Variants in USP13 observed in about 807,000 individuals in gnomAD.
USP13 encodes ubiquitin specific peptidase 13.
A neutral mutation model predicts 107.8 loss-of-function variants in USP13; 68 were observed. The observed-to-expected ratio is 0.63, with a 90% CI of 0.52 to 0.77. The LOEUF (loss-of-function observed/expected upper bound fraction) is 0.77. Among genes scored for constraint, USP13 ranks in the 30% least tolerant of loss-of-function variants. The pLI, the probability that USP13 is intolerant of heterozygous loss-of-function variation, is 0.00. For synonymous variants in USP13, 377 were observed against 389.5 expected (o/e 0.97, Z 0.38); for missense variants, 945 against 1,093.3 (o/e 0.86, Z 1.91).
chr3:179,685,327 G>C (rs890704127), intron 2 of USP13, among the ~76,000 whole-genome samples: 7 of 151,828 alleles, frequency 4.6e-5, no homozygotes, highest in African/African-American at 1.7e-4. Flanking sequence ...AGTTATAATA[G>C]TTTGTGCACG....
At chr3:179,701,163 G>C in intron 4 of USP13, 34 bp downstream of exon 4, 1 of 1,461,614 alleles carries the variant, frequency 6.8e-7, no homozygotes, top group Non-Finnish European at 9.2e-7. Flanking sequence ...AGCTAGATGC[G>C]CATGGCTCTG....
chr3:179,751,281 G>A (rs1465529153), intron 13 of USP13, among the ~76,000 whole-genome samples: 2 of 152,116 alleles, frequency 1.3e-5, no homozygotes, highest in African/African-American at 2.4e-5. Context: ...AGTTTGAAGA[G>A]GATTCAAGAT....
At position 179,653,327 on chromosome 3, in the gene USP13, G is replaced by T. The variant is rs1262700828; in HGVS notation, c.102G>T (p.Thr34=). ...AGCTGCTAGTGCCCCACATGCCCAC[G>T]ATCCGCGTGCCCAGGTCCGGCGACA... is the stretch of plus-strand genomic sequence containing the variant. The part of the protein sequence containing the change: ...IGELLVPHMP[T]IRVPRSGDRV... The change falls in exon 1 of 21, where the codon ACG becomes ACT. Residue 34 remains threonine (T), a synonymous_variant. Coordinates refer to ENST00000263966, the MANE Select transcript of USP13 (RefSeq NM_003940.3). The surrounding 1 kb of genome is among the most constrained non-coding windows in gnomAD (Gnocchi z 4.0). 1 of 1,578,760 alleles carries T rather than the reference G, an allele frequency of 6.3e-7. No individual in the cohort carries two copies. The highest frequency in any genetic ancestry group is 2.3e-5 in the East Asian group (1 of 43,034).
chr3:179,666,665 G>A (rs1180053251), intron 1 of USP13, among the ~76,000 whole-genome samples: 1 of 152,178 alleles, frequency 6.6e-6, no homozygotes, highest in Non-Finnish European at 1.5e-5. Context: ...GCTTGGCAGG[G>A]TGCCTGGCAC....
At position 179,717,403 on chromosome 3, in the gene USP13, ATCATG is replaced by A. The variant is rs746118992; in HGVS notation, c.806-2532_806-2528del. On this transcript the variant is annotated intron_variant, in intron 6 of 20. Transcript: ENST00000263966. ...AGAAATAACTATAGCATTTGACCAA[ATCATG>A]TCATATTTTTGGAGCAGTTAATGGC... 1.6e-4 allele frequency among the ~76,000 whole-genome samples: 24 copies of A among 152,306 alleles called. 1 individual carries two copies. The highest frequency in any genetic ancestry group is 7.8e-4 in the Admixed American group (12 of 15,300).
intron 10 of USP13, among the ~76,000 whole-genome samples, chr3:179,736,219 T>A (rs1713991822): frequency 6.6e-6 from 1 of 152,252 alleles, no homozygotes; most frequent in Admixed American, 6.5e-5. Flanking sequence ...GACTATTTGC[T>A]TTAAGTTTGC....
At chr3:179,715,530 A>T (rs1713084436) in intron 6 of USP13, among the ~76,000 whole-genome samples, 1 of 151,070 alleles carries the variant, frequency 6.6e-6, no homozygotes, top group African/African-American at 2.4e-5. Flanking sequence ...ACGCCCAGCT[A>T]ATTTTTGTAT....
intron 1 of USP13, among the ~76,000 whole-genome samples, chr3:179,662,751 T>A (rs6784543): frequency 0.29 from 44,149 of 152,088 alleles, 7,154 homozygotes; most frequent in Non-Finnish European, 0.37. Context: ...TGAGAGATGA[T>A]GCTGATCCTG....
At chr3:179,695,587 A>C (rs1376896363) in intron 3 of USP13, among the ~76,000 whole-genome samples, 1 of 151,948 alleles carries the variant, frequency 6.6e-6, no homozygotes, top group East Asian at 1.9e-4. Context: ...AAATCATTTA[A>C]ATTCTATACT....
chr3:179,728,631 T>C (rs1056596806), intron 8 of USP13, among the ~76,000 whole-genome samples: 3 of 151,984 alleles, frequency 2.0e-5, no homozygotes, highest in Non-Finnish European at 2.9e-5. Context: ...CAAGGCAGGC[T>C]GCTGAGAGGT....
In USP13 at chr3:179,746,452, G is replaced by A. The variant is rs181696330; in HGVS notation, c.1709+1235G>A. Among the ~76,000 whole-genome samples, 45 of 148,166 alleles carry A rather than the reference G, an allele frequency of 3.0e-4. No homozygotes were observed. The East Asian group carries it at 8.9e-3, about 29-fold the overall frequency. On this transcript the variant is annotated intron_variant, in intron 13 of 20. Transcript: ENST00000263966. ...TATATTTTTTTTTGTTTTTTTTTGA[G>A]ACGGAGTTTTGCTTTTGTTGCCCAG...
At chr3:179,761,332 T>G in intron 17 of USP13, 77 bp downstream of exon 17, 1 of 1,552,376 alleles carries the variant, frequency 6.4e-7, no homozygotes, top group Non-Finnish European at 8.8e-7. Context: ...CCTTCCAAGG[T>G]CCCTGTGGAT....
intron 19 of USP13, among the ~76,000 whole-genome samples, chr3:179,778,456 G>C (rs1237741085): frequency 6.6e-6 from 1 of 152,098 alleles, no homozygotes; most frequent in Admixed American, 6.6e-5. Flanking sequence ...CAATAAATAC[G>C]TGCACAAGTA....
At chr3:179,774,744 C>G (rs1715463739) in intron 19 of USP13, among the ~76,000 whole-genome samples, 1 of 152,212 alleles carries the variant, frequency 6.6e-6, no homozygotes, top group Admixed American at 6.5e-5. Context: ...CTCGGGCAGC[C>G]TGCTTTTATT....
In USP13 at chr3:179,721,554, G is replaced by T; in HGVS notation, c.1053G>T (p.Met351Ile). 6.2e-7 allele frequency: 1 copy of T among 1,613,958 alleles called. No individual in the cohort carries two copies. Residue 351 changes from methionine (M) to isoleucine (I), a missense_variant, in exon 8 of 21, where the codon ATG becomes ATT. Transcript: ENST00000263966. The surrounding 1 kb of genome is among the most constrained non-coding windows in gnomAD (Gnocchi z 4.3). The stretch of plus-strand genomic sequence containing the variant: ...ACAGCTGCTATCTCAGCTCTGTCAT[G>T]CAGGCCATCTTCAGCATCCCAGAAT... ...LGNSCYLSSV[M>I]QAIFSIPEFQ...
At chr3:179,772,146 C>T (rs112477222) in intron 19 of USP13, among the ~76,000 whole-genome samples, 73 of 152,276 alleles carry the variant, frequency 4.8e-4, no homozygotes, top group African/African-American at 1.5e-3. Context: ...GGAATGGAGA[C>T]GAGAGTCTAT....
At chr3:179,692,457 A>G (rs1033290983) in intron 3 of USP13, among the ~76,000 whole-genome samples, 15 of 152,200 alleles carry the variant, frequency 9.9e-5, no homozygotes, top group Non-Finnish European at 1.6e-4. Flanking sequence ...ACCTTGGCCA[A>G]TCTTCCTTAC....
rs747680794 is a variant in USP13 at position 179,784,138 on chromosome 3, C to A, written c.2589C>A (p.Ser863Arg). Residue 863 changes from serine to arginine, a missense_variant, in exon 21 of 21, where the codon AGC (serine) becomes AGA (arginine). Coordinates refer to ENST00000263966, the MANE Select transcript of USP13 (RefSeq NM_003940.3). Reference protein sequence around the residue: ...GYMYFYRRIPS With the variant: ...GYMYFYRRIPR ...TGTACTTTTACCGCAGGATACCAAG[C>A]TAAACCTCAAATATAAAAATTGGCG... 5 of 1,600,964 alleles carry A rather than the reference C, an allele frequency of 3.1e-6. No individual in the cohort carries two copies. Among genetic ancestry groups the A allele is most frequent in the Non-Finnish European group, 4.3e-6 (5 of 1,176,440 alleles).
At chr3:179,751,830 T>G (rs1714622297) in intron 13 of USP13, among the ~76,000 whole-genome samples, 1 of 152,148 alleles carries the variant, frequency 6.6e-6, no homozygotes, top group African/African-American at 2.4e-5. Flanking sequence ...TTCAAGTGAT[T>G]CTCCTGCCTC....
Sources: allele counts gnomAD v4.1 joint callset (sites outside exome capture counted in the v4.1 genomes callset), GRCh38; gene constraint gnomAD v4.1.1; non-coding constraint Gnocchi (gnomAD v3.1); transcripts MANE v1.5; gene names NCBI Gene and HGNC (gene_info 2026-07-23, HGNC 2026-07-21).